The following SAMD12 variants were observed in gnomAD, a reference collection of about 807,000 sequenced individuals.
The protein encoded by SAMD12 is sterile alpha motif domain containing 12.
A neutral mutation model predicts 15.0 loss-of-function variants in SAMD12; 9 were observed. That is an observed-to-expected ratio of 0.60 (90% CI 0.36 to 1.05). The LOEUF is 1.05. SAMD12 is among the 50% of genes least tolerant of loss of function. SAMD12 has a pLI of 0.01. For synonymous variants in SAMD12, 86 were observed against 90.1 expected (o/e 0.96, Z 0.25); for missense variants, 230 against 234.2 (o/e 0.98, Z 0.12).
At chr8:118,357,945 AC>A (rs1818312055) in intron 4 of SAMD12, among the ~76,000 whole-genome samples, 1 of 152,080 alleles carries the variant, frequency 6.6e-6, no homozygotes, top group African/African-American at 2.4e-5. Context: ...CATGTTTGAG[AC>A]CAGTGTGGGC....
At chr8:118,324,603 T>C (rs1355709371) in intron 4 of SAMD12, among the ~76,000 whole-genome samples, 2 of 152,156 alleles carry the variant, frequency 1.3e-5, no homozygotes, top group Admixed American at 6.6e-5. Context: ...CAAGAAGATA[T>C]TGCTGTGAAC....
At chr8:118,549,778 G>C (rs1216019035) in intron 2 of SAMD12, among the ~76,000 whole-genome samples, 1 of 152,078 alleles carries the variant, frequency 6.6e-6, no homozygotes, top group Non-Finnish European at 1.5e-5. Context: ...TAAAAACTTT[G>C]AAAAAAATTT....
chr8:118,547,515 CAA>C (rs1826166318), intron 2 of SAMD12, among the ~76,000 whole-genome samples: 1 of 152,150 alleles, frequency 6.6e-6, no homozygotes, highest in Non-Finnish European at 1.5e-5. Flanking sequence ...CTCATTTACC[CAA>C]AGATTCTTGC....
intron 1 of SAMD12, among the ~76,000 whole-genome samples, chr8:118,613,616 C>G (rs1342600411): frequency 6.6e-6 from 1 of 152,090 alleles, no homozygotes; most frequent in Non-Finnish European, 1.5e-5. Flanking sequence ...CTCTTTAATG[C>G]CTATCAAGTC....
chr8:118,289,899 T>C (rs138636017), intron 4 of SAMD12, among the ~76,000 whole-genome samples: 1 of 152,164 alleles, frequency 6.6e-6, no homozygotes, highest in Non-Finnish European at 1.5e-5. Flanking sequence ...TGTAACTAGA[T>C]CAGAAAGATC....
chr8:118,574,484 T>C (rs1827100569), intron 2 of SAMD12, among the ~76,000 whole-genome samples: 1 of 152,238 alleles, frequency 6.6e-6, no homozygotes, highest in Non-Finnish European at 1.5e-5. Context: ...CAGTCTCATC[T>C]GAGTCTCATC....
intron 2 of SAMD12, among the ~76,000 whole-genome samples, chr8:118,565,867 T>A (rs1202809781): frequency 6.6e-6 from 1 of 152,240 alleles, no homozygotes; most frequent in African/African-American, 2.4e-5. Context: ...CACCTAATCA[T>A]GTCTTATTAA....
At chr8:118,305,175 AG>A (rs1342689000) in intron 4 of SAMD12, among the ~76,000 whole-genome samples, 14 of 111,078 alleles carry the variant, frequency 1.3e-4, no homozygotes, top group South Asian at 2.4e-4. Context: ...AAAAAAAAAA[AG>A]TCCAGTTCAG....
intron 3 of SAMD12, among the ~76,000 whole-genome samples, chr8:118,408,748 G>A (rs890218873): frequency 1.3e-5 from 2 of 152,116 alleles, no homozygotes; most frequent in Non-Finnish European, 2.9e-5. Flanking sequence ...AGGAACATAG[G>A]AAAAGCCTCT....
At chr8:118,148,259 T>C in the SAMD12 span, among the ~76,000 whole-genome samples, 2 of 152,116 alleles carry the variant, frequency 1.3e-5, no homozygotes, top group African/African-American at 4.8e-5. Context: ...AGATGGAGTC[T>C]TGCTATGCTG....
intron 4 of SAMD12, among the ~76,000 whole-genome samples, chr8:118,318,308 G>GTGTGTA (rs1554630247): frequency 1.7e-5 from 1 of 57,520 alleles, no homozygotes; most frequent in African/African-American, 9.0e-5. Flanking sequence ...GGAGATATAT[G>GTGTGTA]TGTATATATA....
chr8:118,568,076 A>T (rs1826899390), intron 2 of SAMD12, among the ~76,000 whole-genome samples: 1 of 152,250 alleles, frequency 6.6e-6, no homozygotes, highest in Non-Finnish European at 1.5e-5. Flanking sequence ...GTATGGTTTT[A>T]GAAAGTGGTG....
At chr8:118,544,019 G>A (rs542874326) in intron 2 of SAMD12, among the ~76,000 whole-genome samples, 25 of 152,072 alleles carry the variant, frequency 1.6e-4, no homozygotes, top group Non-Finnish European at 2.8e-4. Context: ...ATAAGCTCTC[G>A]GGTCTGGTGT....
At chr8:118,568,345 A>C (rs1826906245) in intron 2 of SAMD12, among the ~76,000 whole-genome samples, 1 of 152,186 alleles carries the variant, frequency 6.6e-6, no homozygotes, top group Non-Finnish European at 1.5e-5. Flanking sequence ...AGCATAGAAA[A>C]GCCTAGTAGC....
At chr8:118,621,668 A>C in intron 1 of SAMD12, 136 bp downstream of exon 1, 1 of 943,260 alleles carries the variant, frequency 1.1e-6, no homozygotes, top group Non-Finnish European at 1.7e-6. Context: ...GAGTGCCAAG[A>C]GGTGGAGGAG....
intron 4 of SAMD12, chr8:118,239,996 T>C (rs539298560): frequency 6.6e-6 from 1 of 152,118 alleles, no homozygotes; most frequent in East Asian, 1.9e-4. Context: ...TGGCAATAAA[T>C]TCATTAATAA....
intron 2 of SAMD12, among the ~76,000 whole-genome samples, chr8:118,485,076 C>A (rs899289578): frequency 1.3e-4 from 20 of 152,142 alleles, no homozygotes; most frequent in Admixed American, 7.2e-4. Context: ...TGGCTTTTCA[C>A]TTGAACTGTT....
chr8:118,368,127 A>G (rs991183746), intron 4 of SAMD12, among the ~76,000 whole-genome samples: 1 of 152,208 alleles, frequency 6.6e-6, no homozygotes, highest in African/African-American at 2.4e-5. Context: ...AAGACTTGAT[A>G]AAATTAGAAA....
the SAMD12 span, among the ~76,000 whole-genome samples, chr8:118,173,776 C>T: frequency 0.49 from 73,396 of 151,130 alleles, 20,595 homozygotes; most frequent in Non-Finnish European, 0.63. Context: ...ACTATAGGCA[C>T]GTGCCACCAC....
Sources: gnomAD v4.1 joint callset for allele counts (sites outside exome capture counted in the v4.1 genomes callset) on GRCh38, gnomAD v4.1.1 for gene constraint, MANE v1.5 for transcripts, NCBI Gene and HGNC (gene_info 2026-07-23, HGNC 2026-07-21) for gene names.